MAPRE2: variants seen among roughly 807,000 people sequenced by gnomAD.
MAPRE2 encodes the protein microtubule associated protein RP/EB family member 2.
MAPRE2 carries 13 observed loss-of-function variants against 43.2 expected under a neutral mutation model. The observed-to-expected ratio is 0.30, with a 90% CI of 0.20 to 0.48. MAPRE2 has a LOEUF of 0.48. Among genes scored for constraint, MAPRE2 ranks in the 20% least tolerant of loss-of-function variants. The pLI, the probability that MAPRE2 is intolerant of heterozygous loss-of-function variation, is 0.99. For synonymous variants in MAPRE2, 135 were observed against 148.8 expected, an observed-to-expected ratio of 0.91 and a Z score of 0.68; for missense variants, 161 against 400.2, an observed-to-expected ratio of 0.40 and a Z score of 5.10.
At chr18:35,006,840 G>A (rs2097032099) in intron 2 of MAPRE2, among the ~76,000 whole-genome samples, 1 of 152,204 alleles carries the variant, frequency 6.6e-6, no homozygotes, top group African/African-American at 2.4e-5. Context: ...GTGCATACCT[G>A]TAATACCAGC....
At chr18:35,139,174 G>C (rs1910515511) in intron 6 of MAPRE2, among the ~76,000 whole-genome samples, 1 of 152,182 alleles carries the variant, frequency 6.6e-6, no homozygotes, top group South Asian at 2.1e-4. Context: ...AGATGGGTTT[G>C]TCCTAAGCTC....
At chr18:34,982,993 T>C (rs1367437394) in intron 1 of MAPRE2, among the ~76,000 whole-genome samples, 2 of 152,234 alleles carry the variant, frequency 1.3e-5, no homozygotes, top group Non-Finnish European at 2.9e-5. Context: ...ACATCTTGTC[T>C]ATGGCTGTGG....
chr18:35,086,198 T>A (rs1401419058), intron 2 of MAPRE2, among the ~76,000 whole-genome samples: 2 of 152,140 alleles, frequency 1.3e-5, no homozygotes, highest in African/African-American at 4.8e-5. Context: ...GATGTGTTTT[T>A]CCACAGATTG....
chr18:35,098,957 G>A (rs767944236), intron 3 of MAPRE2, among the ~76,000 whole-genome samples: 25 of 152,170 alleles, frequency 1.6e-4, no homozygotes, highest in East Asian at 3.9e-4. Context: ...CCAAAAGTAC[G>A]GTGAGAGACA....
intron 2 of MAPRE2, among the ~76,000 whole-genome samples, chr18:35,008,875 A>C (rs1248486630): frequency 6.6e-6 from 1 of 152,202 alleles, no homozygotes; most frequent in African/African-American, 2.4e-5. Context: ...TAACATTTTC[A>C]GAAAGCATTT....
intron 2 of MAPRE2, among the ~76,000 whole-genome samples, chr18:35,025,390 T>C (rs1021738170): frequency 2.0e-5 from 3 of 152,250 alleles, no homozygotes; most frequent in African/African-American, 7.2e-5. Context: ...TAACCATCAA[T>C]AGGAAATAGC....
intron 1 of MAPRE2, among the ~76,000 whole-genome samples, chr18:34,994,307 A>G (rs890319600): frequency 6.6e-6 from 1 of 152,222 alleles, no homozygotes; most frequent in Non-Finnish European, 1.5e-5. Flanking sequence ...TAATCTGTAC[A>G]ACAATCTTAT....
At position 35,143,010 on chromosome 18, in the gene MAPRE2, A is replaced by G. The variant is rs1910730103; in HGVS notation, c.*2641A>G. On this transcript the variant is annotated 3_prime_UTR_variant, in exon 7 of 7. Coordinates refer to ENST00000300249, the MANE Select transcript of MAPRE2 (RefSeq NM_014268.4). ...AGCACTTCCACTGCTACTGTCAGATAGGAAGTGATCGAAGCAGGGGGCAAA... is the reference window on the plus strand; with the variant it reads ...AGCACTTCCACTGCTACTGTCAGATGGGAAGTGATCGAAGCAGGGGGCAAA... 1 of 149,774 alleles carries G rather than the reference A, an allele frequency of 6.7e-6. No homozygotes were observed. The highest frequency in any genetic ancestry group is 2.5e-5 in the African/African-American group (1 of 40,810). 9.3% of individuals were successfully genotyped at this position (149,774 alleles called of 1,614,324 possible). A position where few individuals can be genotyped will look rare whatever the true frequency, so the allele number is the denominator to read the frequency against.
chr18:35,089,928 TA>T (rs1352514507), intron 2 of MAPRE2, among the ~76,000 whole-genome samples: 1 of 152,190 alleles, frequency 6.6e-6, no homozygotes, highest in African/African-American at 2.4e-5. Flanking sequence ...TGGTAATTCA[TA>T]AAATGGAATA....
intron 1 of MAPRE2, among the ~76,000 whole-genome samples, chr18:34,991,794 C>T (rs577467050): frequency 1.3e-5 from 2 of 152,254 alleles, no homozygotes; most frequent in South Asian, 4.1e-4. Context: ...ACTTGTTGAG[C>T]AATCTGACGC....
intron 4 of MAPRE2, among the ~76,000 whole-genome samples, chr18:35,124,855 T>C (rs1207498576): frequency 6.6e-6 from 1 of 152,096 alleles, no homozygotes; most frequent in Non-Finnish European, 1.5e-5. Flanking sequence ...CTTTACCCAG[T>C]TGGTTTGCCT....
intron 1 of MAPRE2, among the ~76,000 whole-genome samples, chr18:34,987,034 G>GA (rs993302706): frequency 6.6e-6 from 1 of 151,576 alleles, no homozygotes; most frequent in African/African-American, 2.4e-5. Context: ...CTTACTCAAG[G>GA]AAAAAAAGCC....
chr18:34,977,744 C>A (rs977413110), intron 1 of MAPRE2, among the ~76,000 whole-genome samples: 6 of 152,214 alleles, frequency 3.9e-5, no homozygotes, highest in Non-Finnish European at 8.8e-5. Flanking sequence ...CCAAGCATCT[C>A]TTCTGCAGGG....
intron 6 of MAPRE2, among the ~76,000 whole-genome samples, chr18:35,139,439 G>A (rs1910528011): frequency 6.6e-6 from 1 of 152,226 alleles, no homozygotes; most frequent in Admixed American, 6.5e-5. Flanking sequence ...ACGGCTGACT[G>A]AGGCTAGTGC....
At chr18:35,058,888 C>T (rs603493) in intron 1 of MAPRE2, among the ~76,000 whole-genome samples, 95,261 of 151,950 alleles carry the variant, frequency 0.63, 29,915 homozygotes, top group East Asian at 0.84. Context: ...GGGAGAGTCT[C>T]AATTAAAAGC....
At chr18:35,010,777 T>A (rs2097034181) in intron 2 of MAPRE2, among the ~76,000 whole-genome samples, 1 of 152,206 alleles carries the variant, frequency 6.6e-6, no homozygotes, top group Non-Finnish European at 1.5e-5. Flanking sequence ...GTTCTATGGA[T>A]GTGTTGGTAA....
rs184241792 is a variant in MAPRE2, at chr18:35,028,022, C to T, written c.-8+22469C>T. ...GCAGCAGACCTGCCTTCTTACAGAG[C>T]AGCATGGTAGTCCCAGGGTAGCTGA... On this transcript the variant is annotated intron_variant, in intron 2 of 7. Coordinates refer to the MAPRE2 transcript ENST00000413393. Among the ~76,000 whole-genome samples the T allele has an allele frequency of 2.6e-5, 4 of 152,326 alleles. No homozygotes were observed. The East Asian group carries it at 7.7e-4, about 29-fold the overall frequency.
intron 3 of MAPRE2, among the ~76,000 whole-genome samples, chr18:35,100,146 C>G (rs573564110): frequency 6.6e-6 from 1 of 152,180 alleles, no homozygotes; most frequent in African/African-American, 2.4e-5. Context: ...GACTCACACT[C>G]TAGCTTTGTA....
exon 2 of MAPRE2, chr18:35,005,507 A>G (rs1228082970): frequency 6.5e-7 from 1 of 1,540,698 alleles, no homozygotes; most frequent in Admixed American, 2.0e-5. Context: ...TGTTTCCCAG[A>G]GGAACAGTTC....
Sources: allele counts gnomAD v4.1 joint callset (sites outside exome capture counted in the v4.1 genomes callset), GRCh38; gene constraint gnomAD v4.1.1; transcripts MANE v1.5; gene names NCBI Gene and HGNC (gene_info 2026-07-23, HGNC 2026-07-21).